Variants in REC114 observed in about 807,000 individuals in gnomAD.
The protein encoded by REC114 is REC114 meiotic recombination protein.
In REC114, 27 loss-of-function variants were observed where a neutral mutation model predicts 31.3. That is an observed-to-expected ratio of 0.86 (90% confidence interval 0.64 to 1.19). REC114 has a LOEUF of 1.19. Among genes scored for constraint, REC114 ranks in the 50% most tolerant of loss-of-function variants. REC114 has a pLI of 0.00. For missense variants in REC114, 344 were observed against 326.9 expected (o/e 1.05, Z -0.40); for synonymous variants, 134 against 127.7 (o/e 1.05, Z -0.33).
At chr15:73,546,501 C>T (rs1341005589) in intron 3 of REC114, among the ~76,000 whole-genome samples, 1 of 151,682 alleles carries the variant, frequency 6.6e-6, no homozygotes, top group East Asian at 1.9e-4. Flanking sequence ...TACTCTTCAG[C>T]CATTGAAAGT....
intron 3 of REC114, among the ~76,000 whole-genome samples, chr15:73,545,231 G>T (rs1157021180): frequency 2.6e-5 from 4 of 152,208 alleles, no homozygotes; most frequent in African/African-American, 9.6e-5. Context: ...CACCACTTCA[G>T]ATACAGTAAT....
intron 2 of REC114, among the ~76,000 whole-genome samples, chr15:73,513,236 TC>T (rs1209800011): frequency 1.3e-5 from 2 of 151,036 alleles, no homozygotes; most frequent in African/African-American, 4.9e-5. Context: ...GTTGATCGCA[TC>T]GGCTCCTGAG....
intron 2 of REC114, among the ~76,000 whole-genome samples, chr15:73,504,323 T>C (rs1893645274): frequency 1.3e-5 from 2 of 152,158 alleles, no homozygotes; most frequent in Admixed American, 1.3e-4. Context: ...TTATATTTCT[T>C]TGTTTTTCAC....
chr15:73,457,001 G>A (rs1892923562), intron 1 of REC114, among the ~76,000 whole-genome samples: 1 of 150,914 alleles, frequency 6.6e-6, no homozygotes, highest in South Asian at 2.1e-4. Flanking sequence ...TTTTATTGCA[G>A]GCCTAATGTT....
chr15:73,517,736 A>G (rs796665985), intron 2 of REC114, among the ~76,000 whole-genome samples: 15 of 152,312 alleles, frequency 9.8e-5, no homozygotes, highest in African/African-American at 3.4e-4. Flanking sequence ...CTCATTTACT[A>G]TTTAACAATT....
intron 4 of REC114, among the ~76,000 whole-genome samples, chr15:73,555,136 A>C (rs918451815): frequency 2.0e-5 from 3 of 152,164 alleles, no homozygotes; most frequent in Admixed American, 6.5e-5. Context: ...CTACCTACTG[A>C]CTAGCAACCA....
At chr15:73,494,616 A>G (rs566521329) in intron 2 of REC114, among the ~76,000 whole-genome samples, 3 of 152,268 alleles carry the variant, frequency 2.0e-5, no homozygotes, top group South Asian at 4.1e-4. Flanking sequence ...TCACCATAGG[A>G]TAACAGTTAT....
chr15:73,536,197 G>A (rs1427607927), intron 2 of REC114, among the ~76,000 whole-genome samples: 3 of 152,050 alleles, frequency 2.0e-5, no homozygotes, highest in Non-Finnish European at 2.9e-5. Context: ...AAACTAAAGA[G>A]TTCTCCACTC....
chr15:73,455,327 G>A (rs1338196387), intron 1 of REC114, among the ~76,000 whole-genome samples: 1 of 152,144 alleles, frequency 6.6e-6, no homozygotes, highest in African/African-American at 2.4e-5. Flanking sequence ...GGAGGATAGA[G>A]TCATTCTAGT....
intron 1 of REC114, among the ~76,000 whole-genome samples, chr15:73,456,622 G>T (rs1892919382): frequency 6.6e-6 from 1 of 152,088 alleles, no homozygotes; most frequent in African/African-American, 2.4e-5. Flanking sequence ...ATTATTAAAT[G>T]ATAGCTATTA....
At chr15:73,553,136 C>T (rs1360007530) in intron 4 of REC114, among the ~76,000 whole-genome samples, 1 of 152,120 alleles carries the variant, frequency 6.6e-6, no homozygotes, top group Admixed American at 6.6e-5. Flanking sequence ...TCTTGTTACT[C>T]ATAATTTGTC....
At chr15:73,542,709 G>C (rs1018796082) in intron 3 of REC114, among the ~76,000 whole-genome samples, 2 of 152,120 alleles carry the variant, frequency 1.3e-5, no homozygotes, top group African/African-American at 4.8e-5. Context: ...CCACCATATA[G>C]ATAATTTATA....
intron 4 of REC114, among the ~76,000 whole-genome samples, chr15:73,552,245 A>C (rs915904354): frequency 3.9e-5 from 6 of 152,206 alleles, no homozygotes; most frequent in African/African-American, 1.4e-4. Flanking sequence ...GGCTATTCTA[A>C]AATACCCCTC....
At chr15:73,471,691 T>C (rs1302556412) in intron 1 of REC114, among the ~76,000 whole-genome samples, 1 of 151,970 alleles carries the variant, frequency 6.6e-6, no homozygotes, top group African/African-American at 2.4e-5. Flanking sequence ...TTATAGTGAG[T>C]GTTTCTATCC....
chr15:73,443,538 C>A (rs1470839500), intron 1 of REC114, among the ~76,000 whole-genome samples, 194 bp downstream of exon 1: 2 of 152,352 alleles, frequency 1.3e-5, no homozygotes, highest in East Asian at 3.9e-4. Context: ...ATGGTTGGAA[C>A]CCTTTACAGT....
chr15:73,452,896 T>G (rs1595859028), intron 1 of REC114, among the ~76,000 whole-genome samples: 1 of 152,218 alleles, frequency 6.6e-6, no homozygotes. Flanking sequence ...GATTCCCTAT[T>G]TAATAAATGG....
rs1428192621 is a variant in REC114 at position 73,548,216 on chromosome 15, G to C, written c.334-2722G>C. 2.0e-5 allele frequency among the ~76,000 whole-genome samples: 3 copies of C among 152,054 alleles called. No individual in the cohort carries two copies. In the East Asian group the frequency reaches 5.8e-4, roughly 29 times the overall value. On this transcript the variant is annotated intron_variant, in intron 3 of 5. Transcript: ENST00000331090. ...CTCCACCTCCCGGGTTCAAGTGATT[G>C]TTCTGCCTCCGCCTCCCGAATAGCT... is the stretch of plus-strand genomic sequence containing the variant.
intron 2 of REC114, among the ~76,000 whole-genome samples, chr15:73,491,476 A>G (rs944196535): frequency 1.3e-5 from 2 of 152,190 alleles, no homozygotes; most frequent in East Asian, 1.9e-4. Flanking sequence ...GAACATTTAT[A>G]TATAAGTCTT....
At chr15:73,528,926 A>C (rs1334261945) in intron 2 of REC114, among the ~76,000 whole-genome samples, 1 of 152,182 alleles carries the variant, frequency 6.6e-6, no homozygotes, top group East Asian at 1.9e-4. Flanking sequence ...AGTAAGACTT[A>C]AGAGACATGA....
Sources: gnomAD v4.1 joint callset for allele counts (sites outside exome capture counted in the v4.1 genomes callset) on GRCh38, gnomAD v4.1.1 for gene constraint, MANE v1.5 for transcripts, NCBI Gene and HGNC (gene_info 2026-07-23, HGNC 2026-07-21) for gene names.